Variants in IMPG2 observed in about 807,000 individuals in gnomAD.
The protein encoded by IMPG2 is IPM 200.
In IMPG2, 91 loss-of-function variants were observed where a neutral mutation model predicts 129.2. The observed-to-expected ratio is 0.70, with a 90% CI of 0.59 to 0.84. The LOEUF is 0.84. Among genes scored for constraint, IMPG2 ranks in the 40% least tolerant of loss-of-function variants. IMPG2 has a pLI of 0.00. For missense variants in IMPG2, 1,430 were observed against 1,461.7 expected, an observed-to-expected ratio of 0.98 and a Z score of 0.35; for synonymous variants, 510 against 517.7, an observed-to-expected ratio of 0.99 and a Z score of 0.20.
At chr3:101,236,022 G>A (rs1706342009) in intron 14 of IMPG2, among the ~76,000 whole-genome samples, 1 of 152,192 alleles carries the variant, frequency 6.6e-6, no homozygotes, top group East Asian at 1.9e-4. Context: ...GCCGTGCTGA[G>A]ATAAAGCCTT....
At position 101,243,563 on chromosome 3, in the gene IMPG2, T is replaced by G. The variant is rs1706433192; in HGVS notation, c.2768A>C (p.Glu923Ala). 2 of 1,613,722 alleles carry G rather than the reference T, an allele frequency of 1.2e-6. No homozygotes were observed. The highest frequency in any genetic ancestry group is 2.7e-5 in the African/African-American group (2 of 74,914). ...SEDLFNKNSLEYKALEQRFLE... is the reference protein window; with the variant it reads ...SEDLFNKNSLAYKALEQRFLE... ...GAATCTTTGCTCCAGGGCTTTATAC[T>G]CCAAGGAGTTTTTATTAAACAGATC... Residue 923 changes from glutamate to alanine, a missense_variant, in exon 13 of 19, where the codon GAG (glutamate) becomes GCG (alanine). Glu to Ala is a moderately radical substitution (Grantham distance 107). Coordinates refer to ENST00000193391, the MANE Select transcript of IMPG2 (RefSeq NM_016247.4).
At chr3:101,229,300 A>ACG in intron 17 of IMPG2, 80 bp downstream of exon 17, 1 of 859,118 alleles carries the variant, frequency 1.2e-6, no homozygotes, top group East Asian at 2.9e-5. Context: ...ACTCATACAC[A>ACG]CCCCCACCCA....
intron 7 of IMPG2, among the ~76,000 whole-genome samples, chr3:101,271,770 G>A (rs568193862): frequency 1.3e-5 from 2 of 152,276 alleles, no homozygotes; most frequent in East Asian, 3.9e-4. Context: ...AAAGGAAGGG[G>A]ACTCTGTAGA....
At chr3:101,237,421 G>T (rs1706359264) in intron 14 of IMPG2, among the ~76,000 whole-genome samples, 2 of 152,148 alleles carry the variant, frequency 1.3e-5, no homozygotes, top group Admixed American at 1.3e-4. Flanking sequence ...CTCCTGACTG[G>T]GGGACACCTC....
At chr3:101,232,500 A>T (rs1706300054) in intron 15 of IMPG2, among the ~76,000 whole-genome samples, 1 of 152,066 alleles carries the variant, frequency 6.6e-6, no homozygotes, top group African/African-American at 2.4e-5. Flanking sequence ...GGCCTCCCAA[A>T]GTGCTGGGAT....
At chr3:101,305,068 C>T (rs1337887655) in intron 2 of IMPG2, among the ~76,000 whole-genome samples, 1 of 152,098 alleles carries the variant, frequency 6.6e-6, no homozygotes, top group South Asian at 2.1e-4. Context: ...TCGCTTTATT[C>T]ATAATTGCCA....
At chr3:101,240,960 G>A (rs1227714280) in intron 14 of IMPG2, among the ~76,000 whole-genome samples, 1 of 152,188 alleles carries the variant, frequency 6.6e-6, no homozygotes, top group Non-Finnish European at 1.5e-5. Context: ...AAGGAAGGAA[G>A]AAGAAAATTT....
In IMPG2 at chr3:101,291,404, T is replaced by C. The variant is rs1275854371; in HGVS notation, c.533+75A>G. The C allele has an allele frequency of 5.7e-6, 7 of 1,217,536 alleles. No individual in the cohort carries two copies. In the African/African-American group the frequency reaches 8.9e-5, roughly 16 times the overall value. 75.4% of individuals were successfully genotyped at this position (1,217,536 alleles called of 1,614,324 possible). On this transcript the variant is annotated intron_variant, in intron 4 of 18. Coordinates refer to ENST00000193391, the MANE Select transcript of IMPG2 (RefSeq NM_016247.4). ...AGAAAATAGAAAGGCACCATTAAAT[T>C]TGGGGTGAGTCTTGAATTAGGCTAT...
chr3:101,272,387 A>T (rs1456218906), intron 7 of IMPG2, among the ~76,000 whole-genome samples: 2 of 152,182 alleles, frequency 1.3e-5, no homozygotes, highest in Non-Finnish European at 2.9e-5. Flanking sequence ...AGGCCAGAGA[A>T]GGAGGTCTTC....
At chr3:101,245,765 A>G in intron 12 of IMPG2, 37 bp downstream of exon 12, 2 of 1,576,548 alleles carry the variant, frequency 1.3e-6, no homozygotes, top group Non-Finnish European at 1.7e-6. Context: ...GTCATCGGAT[A>G]CAATAAGAAG....
chr3:101,318,149 A>ATAT (rs2058794368), intron 2 of IMPG2, among the ~76,000 whole-genome samples: 2 of 144,182 alleles, frequency 1.4e-5, no homozygotes, highest in African/African-American at 5.1e-5. Context: ...AAATAGTAAT[A>ATAT]AATAATAATA....
chr3:101,259,505 T>C (rs959355532), intron 9 of IMPG2, among the ~76,000 whole-genome samples: 2 of 151,424 alleles, frequency 1.3e-5, no homozygotes, highest in African/African-American at 4.9e-5. Context: ...CAGTCTCTCC[T>C]TGAGTTTCTA....
chr3:101,285,216 A>G (rs1006189045), intron 4 of IMPG2, among the ~76,000 whole-genome samples: 9 of 152,216 alleles, frequency 5.9e-5, no homozygotes, highest in Admixed American at 4.6e-4. Flanking sequence ...GAGGTCAGGG[A>G]GTAACACCAC....
chr3:101,279,895 C>T (rs886528036), intron 4 of IMPG2, among the ~76,000 whole-genome samples: 1 of 152,170 alleles, frequency 6.6e-6, no homozygotes, highest in African/African-American at 2.4e-5. Flanking sequence ...CACCCACTCT[C>T]CTTTCAAGAG....
intron 15 of IMPG2, among the ~76,000 whole-genome samples, chr3:101,231,918 A>G (rs917354966): frequency 6.6e-6 from 1 of 152,242 alleles, no homozygotes; most frequent in Non-Finnish European, 1.5e-5. Flanking sequence ...TTCTACCTTT[A>G]GAAAATGGAT....
At chr3:101,234,314 G>A (rs1706323198) in intron 14 of IMPG2, among the ~76,000 whole-genome samples, 1 of 151,798 alleles carries the variant, frequency 6.6e-6, no homozygotes, top group African/African-American at 2.4e-5. Context: ...TAAGCTAAGG[G>A]ATGCCAAGGG....
intron 9 of IMPG2, 39 bp from the exon 10 acceptor site, chr3:101,257,812 G>A: frequency 6.2e-7 from 1 of 1,610,632 alleles, no homozygotes; most frequent in Non-Finnish European, 8.5e-7. Context: ...GTTCAGCTAA[G>A]GAAGCACAAA....
chr3:101,295,655 G>T (rs1460449385), intron 3 of IMPG2, among the ~76,000 whole-genome samples: 1 of 152,040 alleles, frequency 6.6e-6, no homozygotes, highest in Non-Finnish European at 1.5e-5. Flanking sequence ...TGGGCAGTAT[G>T]GCCATTTTCA....
Position 101,319,784 on chromosome 3 carries a change from A to G in IMPG2, c.134T>C (p.Val45Ala), listed in dbSNP as rs536531493. Residue 45 changes from valine to alanine, a missense_variant, in exon 2 of 19, where the codon GTT becomes GCT. Physicochemically the swap from Val to Ala is moderately conservative, Grantham distance 64 (BLOSUM62 0). Coordinates refer to ENST00000193391, the MANE Select transcript of IMPG2 (RefSeq NM_016247.4). ...TGATTCTTCAGGCAGGAGAAAAGAA[A>G]CTGCACTCTTGGGTTCTTGGATCTC... is the stretch of plus-strand genomic sequence containing the variant. ...IEEIQEPKSA[V>A]SFLLPEESTD... is the part of the protein sequence containing the mutation. The G allele has an allele frequency of 6.2e-7, 1 of 1,613,374 alleles. No individual in the cohort carries two copies. The highest frequency in any genetic ancestry group is 1.3e-5 in the African/African-American group (1 of 75,008).
Sources: allele counts gnomAD v4.1 joint callset (sites outside exome capture counted in the v4.1 genomes callset), GRCh38; gene constraint gnomAD v4.1.1; transcripts MANE v1.5; gene names NCBI Gene and HGNC (gene_info 2026-07-23, HGNC 2026-07-21).